PIK3CB: variants seen among roughly 807,000 people sequenced by gnomAD.
PIK3CB encodes the protein phosphatidylinositol-4,5-bisphosphate 3-kinase catalytic subunit beta, also known as phosphatidylinositol 4,5-bisphosphate 3-kinase catalytic subunit beta isoform.
A neutral mutation model predicts 136.8 loss-of-function variants in PIK3CB; 39 were observed. The observed-to-expected ratio is 0.29, with a 90% confidence interval of 0.22 to 0.37. The LOEUF is 0.37. Ranked by LOEUF, PIK3CB falls within the 10% of genes least tolerant of loss-of-function variation. The pLI, the probability that PIK3CB is intolerant of heterozygous loss-of-function variation, is 1.00. For synonymous variants in PIK3CB, 428 were observed against 436.6 expected (o/e 0.98, Z 0.25); for missense variants, 868 against 1,275.4 (o/e 0.68, Z 4.87).
At chr3:138,823,493 A>G (rs1933651436) in intron 1 of PIK3CB, among the ~76,000 whole-genome samples, 1 of 151,842 alleles carries the variant, frequency 6.6e-6, no homozygotes, top group Admixed American at 6.6e-5. Flanking sequence ...TCACGAGGTC[A>G]GGAGATCGAG....
At chr3:138,739,479 G>T (rs956254400) in intron 5 of PIK3CB, among the ~76,000 whole-genome samples, 3 of 151,696 alleles carry the variant, frequency 2.0e-5, no homozygotes, top group African/African-American at 2.4e-5. Context: ...AAATAAAAAA[G>T]ACCCCAGAGA....
At chr3:138,764,019 G>A (rs1428512595) in intron 2 of PIK3CB, among the ~76,000 whole-genome samples, 9 of 151,726 alleles carry the variant, frequency 5.9e-5, no homozygotes, top group African/African-American at 1.9e-4. Context: ...GCTGGGGCAG[G>A]AGAATCGCTT....
intron 1 of PIK3CB, among the ~76,000 whole-genome samples, chr3:138,811,124 G>A (rs1468681493): frequency 6.6e-6 from 1 of 151,172 alleles, no homozygotes; most frequent in Non-Finnish European, 1.5e-5. Flanking sequence ...TTACTCAGGA[G>A]GCTGAGGCAG....
chr3:138,661,935 T>C (rs980214190), intron 21 of PIK3CB, among the ~76,000 whole-genome samples: 1 of 152,176 alleles, frequency 6.6e-6, no homozygotes, highest in Non-Finnish European at 1.5e-5. Flanking sequence ...AATGAAATTT[T>C]CATTTGAAAA....
At chr3:138,731,560 A>G (rs1382169845) in intron 8 of PIK3CB, among the ~76,000 whole-genome samples, 1 of 151,930 alleles carries the variant, frequency 6.6e-6, no homozygotes, top group Non-Finnish European at 1.5e-5. Context: ...GCCTGTTTGC[A>G]CTTTTTCATT....
chr3:138,832,722 G>A (rs1047092331), intron 1 of PIK3CB, among the ~76,000 whole-genome samples: 4 of 151,876 alleles, frequency 2.6e-5, no homozygotes, highest in African/African-American at 7.3e-5. Flanking sequence ...CCAACTACTC[G>A]GGAGGCTATG....
intron 2 of PIK3CB, among the ~76,000 whole-genome samples, chr3:138,785,557 C>T (rs139226582): frequency 6.6e-6 from 1 of 152,126 alleles, no homozygotes; most frequent in Non-Finnish European, 1.5e-5. Flanking sequence ...TGTGTCCACT[C>T]AGGGTTAAAT....
chr3:138,760,360 G>A (rs1334081097), intron 2 of PIK3CB, among the ~76,000 whole-genome samples: 1 of 152,060 alleles, frequency 6.6e-6, no homozygotes, highest in Non-Finnish European at 1.5e-5. Context: ...TCTACAGCCC[G>A]AGACTGGTAT....
chr3:138,785,481 C>A (rs1397522603), intron 2 of PIK3CB, among the ~76,000 whole-genome samples: 1 of 152,166 alleles, frequency 6.6e-6, no homozygotes, highest in Non-Finnish European at 1.5e-5. Flanking sequence ...AAGAAAAATT[C>A]TTCTGCCTTG....
intron 8 of PIK3CB, among the ~76,000 whole-genome samples, chr3:138,720,276 T>G (rs2044699787): frequency 6.6e-6 from 1 of 152,140 alleles, no homozygotes; most frequent in African/African-American, 2.4e-5. Flanking sequence ...CACTAATTAT[T>G]ACATCTCAGT....
intron 8 of PIK3CB, among the ~76,000 whole-genome samples, chr3:138,728,069 C>CCCAGAT (rs2044880076): frequency 6.6e-6 from 1 of 152,106 alleles, no homozygotes; most frequent in Admixed American, 6.6e-5. Flanking sequence ...GCCTCGGCCT[C>CCCAGAT]CCAAAGTTCT....
chr3:138,761,839 C>T (rs563848606), intron 2 of PIK3CB, among the ~76,000 whole-genome samples: 1 of 151,946 alleles, frequency 6.6e-6, no homozygotes. Flanking sequence ...ACTCGGGAGG[C>T]TGAGGCAGAA....
At chr3:138,777,743 TA>T (rs377412094) in intron 2 of PIK3CB, 35 of 153,056 alleles carry the variant, frequency 2.3e-4, no homozygotes, top group South Asian at 4.0e-4. Context: ...ATTTTTTTCT[TA>T]AAAAAAAAAT....
intron 1 of PIK3CB, among the ~76,000 whole-genome samples, chr3:138,815,639 A>G (rs889116026): frequency 6.6e-6 from 1 of 152,132 alleles, no homozygotes; most frequent in African/African-American, 2.4e-5. Flanking sequence ...CTATGCTGCC[A>G]TTTGTGAGAG....
chr3:138,707,159 C>A lies in PIK3CB; in HGVS notation c.1530G>T (p.Lys510Asn). Residue 510 changes from lysine to asparagine, a missense_variant and splice_region_variant, in exon 11 of 24, where the codon AAG (lysine) becomes AAT (asparagine). Lys to Asn is a moderately conservative substitution (Grantham distance 94). Transcript: ENST00000674063. ...GAGGTCCTTTAAATAATTAGCTTAC[C>A]TTATCGAAGGGAGGGTAATAATAAG... ...KQPYYYPPFD[K>N]IIEKAAEIAS... 6.5e-7 allele frequency: 1 copy of A among 1,543,922 alleles called. No individual in the cohort carries two copies. The highest frequency in any genetic ancestry group is 9.0e-7 in the Non-Finnish European group (1 of 1,117,258).
intron 5 of PIK3CB, among the ~76,000 whole-genome samples, chr3:138,739,706 G>T (rs1455115415): frequency 6.6e-6 from 1 of 150,880 alleles, no homozygotes; most frequent in Non-Finnish European, 1.5e-5. Flanking sequence ...CTCAAGACCA[G>T]CCTGGCAAAC....
intron 1 of PIK3CB, among the ~76,000 whole-genome samples, chr3:138,826,665 C>G (rs1010469652): frequency 6.6e-6 from 1 of 151,416 alleles, no homozygotes; most frequent in African/African-American, 2.4e-5. Flanking sequence ...TAACTCTAAA[C>G]CAAATAGTTC....
chr3:138,820,846 C>T (rs755082866), intron 1 of PIK3CB, among the ~76,000 whole-genome samples: 2 of 152,152 alleles, frequency 1.3e-5, no homozygotes, highest in Admixed American at 6.6e-5. Flanking sequence ...TAGGAACGTC[C>T]TATTTTTTTT....
chr3:138,815,998 G>A (rs1425611940), intron 1 of PIK3CB, among the ~76,000 whole-genome samples: 1 of 152,164 alleles, frequency 6.6e-6, no homozygotes, highest in Non-Finnish European at 1.5e-5. Flanking sequence ...ATTTGAATAA[G>A]GTAGTTAAAA....
Sources: allele counts gnomAD v4.1 joint callset (sites outside exome capture counted in the v4.1 genomes callset), GRCh38; gene constraint gnomAD v4.1.1; transcripts MANE v1.5; gene names NCBI Gene and HGNC (gene_info 2026-07-23, HGNC 2026-07-21).